The following IQCJ variants were observed in gnomAD, a reference collection of about 807,000 sequenced individuals.
IQCJ encodes IQ domain-containing protein J.
A neutral mutation model predicts 11.0 loss-of-function variants in IQCJ; 9 were observed. The observed-to-expected ratio is 0.82, with a 90% CI of 0.49 to 1.43. The LOEUF (loss-of-function observed/expected upper bound fraction) is 1.43. Among genes scored for constraint, IQCJ ranks in the 40% most tolerant of loss-of-function variants. The probability of loss-of-function intolerance (pLI) is 0.00; values close to 1 mark genes in which losing one functional copy is unlikely to be tolerated. For synonymous variants in IQCJ, 55 were observed against 51.3 expected (o/e 1.07, Z -0.31); for missense variants, 146 against 133.2 (o/e 1.10, Z -0.47).
chr3:159,210,047 G>A (rs1724868149), intron 1 of IQCJ, among the ~76,000 whole-genome samples: 3 of 152,200 alleles, frequency 2.0e-5, no homozygotes, highest in Admixed American at 1.3e-4. Context: ...GAAAAAGTGA[G>A]GCCATGAACC....
chr3:159,133,914 T>G (rs1720140154), intron 1 of IQCJ, among the ~76,000 whole-genome samples: 1 of 151,712 alleles, frequency 6.6e-6, no homozygotes, highest in South Asian at 2.1e-4. Flanking sequence ...ATGGGTCTTC[T>G]GCTTGGAGCC....
At chr3:159,230,429 A>G (rs74538786) in intron 1 of IQCJ, among the ~76,000 whole-genome samples, 5,054 of 152,290 alleles carry the variant, frequency 0.033, 259 homozygotes, top group African/African-American at 0.12. Flanking sequence ...TTATTGCTGT[A>G]TGCACTTAAG....
At chr3:159,126,089 T>G (rs1389303819) in intron 1 of IQCJ, among the ~76,000 whole-genome samples, 1 of 152,144 alleles carries the variant, frequency 6.6e-6, no homozygotes, top group Non-Finnish European at 1.5e-5. Context: ...ATGTATAAGC[T>G]CCAATATCCG....
intron 1 of IQCJ, among the ~76,000 whole-genome samples, chr3:159,233,229 C>T (rs139327657): frequency 0.01 from 1,524 of 152,120 alleles, 20 homozygotes; most frequent in Non-Finnish European, 0.015. Context: ...AAAGAGAGGG[C>T]ATGTCACACA....
At chr3:159,095,230 C>A (rs1717645779) in intron 1 of IQCJ, among the ~76,000 whole-genome samples, 1 of 151,804 alleles carries the variant, frequency 6.6e-6, no homozygotes, top group African/African-American at 2.4e-5. Context: ...AGTGAAAAAT[C>A]ACAATCTTAA....
chr3:159,092,912 T>C (rs1217053370), intron 1 of IQCJ, among the ~76,000 whole-genome samples: 1 of 151,764 alleles, frequency 6.6e-6, no homozygotes, highest in Non-Finnish European at 1.5e-5. Context: ...CAGTGTACTT[T>C]CAAATACCTA....
chr3:159,240,883 G>A (rs148964460), intron 1 of IQCJ, among the ~76,000 whole-genome samples: 6 of 151,972 alleles, frequency 3.9e-5, no homozygotes, highest in Non-Finnish European at 7.4e-5. Flanking sequence ...ATGAGCCACC[G>A]CACCCGGCCC....
At chr3:159,151,325 G>A (rs1721203783) in intron 1 of IQCJ, among the ~76,000 whole-genome samples, 1 of 152,344 alleles carries the variant, frequency 6.6e-6, no homozygotes, top group African/African-American at 2.4e-5. Context: ...TCGGAGGCCA[G>A]CACTTCCTGC....
In IQCJ at chr3:159,109,511, C is replaced by G. The variant is rs145772938; in HGVS notation, c.9+40070C>G. ...GAAAGCACATAAGGCTGTAGAGTAG[C>G]CTTACTTGTATTAACTAAAAAAAAA... On this transcript the variant is annotated intron_variant, in intron 1 of 3. Transcript: ENST00000397832. 2.2e-3 allele frequency among the ~76,000 whole-genome samples: 279 copies of G among 126,164 alleles called. 2 individuals carry two copies. The highest frequency in any genetic ancestry group is 7.5e-3 in the African/African-American group (268 of 35,946). The allele number at this position is 126,164 out of a possible 152,430, so 82.8% of individuals were successfully genotyped here.
At chr3:159,101,596 T>A (rs1717925577) in intron 1 of IQCJ, among the ~76,000 whole-genome samples, 1 of 152,222 alleles carries the variant, frequency 6.6e-6, no homozygotes, top group South Asian at 2.1e-4. Context: ...CTGCACCTCA[T>A]CTTTGCCAAC....
intron 1 of IQCJ, among the ~76,000 whole-genome samples, chr3:159,115,400 T>G (rs9816422): frequency 0.65 from 99,211 of 151,994 alleles, 32,702 homozygotes; most frequent in Non-Finnish European, 0.71. Flanking sequence ...CCAATTTCCA[T>G]GGGTCAAAAT....
chr3:159,112,931 A>G (rs942164718), intron 1 of IQCJ, among the ~76,000 whole-genome samples: 2 of 152,210 alleles, frequency 1.3e-5, no homozygotes, highest in Non-Finnish European at 2.9e-5. Context: ...ACTAGCCCCA[A>G]CTAGAGGCCT....
intron 1 of IQCJ, among the ~76,000 whole-genome samples, chr3:159,106,256 A>G (rs1283134353): frequency 6.6e-6 from 1 of 152,190 alleles, no homozygotes; most frequent in Non-Finnish European, 1.5e-5. Flanking sequence ...TCTGCTAGAC[A>G]TTCAGAGACC....
At chr3:159,112,449 GA>G (rs1159920837) in intron 1 of IQCJ, among the ~76,000 whole-genome samples, 1 of 151,910 alleles carries the variant, frequency 6.6e-6, no homozygotes, top group African/African-American at 2.4e-5. Flanking sequence ...TATTTTCCTT[GA>G]AAGAAAATAA....
chr3:159,141,191 A>G (rs1477314034), intron 1 of IQCJ, among the ~76,000 whole-genome samples: 1 of 152,212 alleles, frequency 6.6e-6, no homozygotes, highest in African/African-American at 2.4e-5. Context: ...AAAAAAGGTG[A>G]ATAGAAGTTA....
At chr3:159,130,300 C>T (rs747970474) in intron 1 of IQCJ, among the ~76,000 whole-genome samples, 4 of 151,944 alleles carry the variant, frequency 2.6e-5, no homozygotes, top group Non-Finnish European at 5.9e-5. Context: ...ACTTAGGCCA[C>T]GGGGAGGCAG....
intron 1 of IQCJ, among the ~76,000 whole-genome samples, chr3:159,214,960 CA>C (rs1725145581): frequency 6.6e-6 from 1 of 152,176 alleles, no homozygotes; most frequent in African/African-American, 2.4e-5. Flanking sequence ...GTTAAAAGGT[CA>C]TTTCAAAAGA....
intron 1 of IQCJ, among the ~76,000 whole-genome samples, chr3:159,081,553 T>A (rs756122538): frequency 6.6e-6 from 1 of 152,136 alleles, no homozygotes; most frequent in African/African-American, 2.4e-5. Flanking sequence ...CTTTTCTAGA[T>A]GGTTTTATTT....
intron 3 of IQCJ, among the ~76,000 whole-genome samples, chr3:159,253,334 C>T (rs1727709609): frequency 6.6e-6 from 1 of 152,032 alleles, no homozygotes; most frequent in African/African-American, 2.4e-5. Flanking sequence ...TTATAAATGA[C>T]TATTACCTTA....
Sources: gnomAD v4.1 joint callset for allele counts (sites outside exome capture counted in the v4.1 genomes callset) on GRCh38, gnomAD v4.1.1 for gene constraint, MANE v1.5 for transcripts, NCBI Gene and HGNC (gene_info 2026-07-23, HGNC 2026-07-21) for gene names.